CSMD1: variants seen among roughly 807,000 people sequenced by gnomAD.
CSMD1 encodes CUB and sushi domain-containing protein 1.
CSMD1 carries 213 observed loss-of-function variants against 417.5 expected under a neutral mutation model. The ratio of observed to expected loss-of-function variants is 0.51; its 90% CI spans 0.46 to 0.57. CSMD1 has a LOEUF of 0.57. Among genes scored for constraint, CSMD1 ranks in the 20% least tolerant of loss-of-function variants. The pLI is 0.00. For missense variants in CSMD1, 6,923 were observed against 4,529.7 expected, an observed-to-expected ratio of 1.53 and a Z score of -15.17; for synonymous variants, 2,862 against 1,736.8, an observed-to-expected ratio of 1.65 and a Z score of -16.11.
At chr8:4,967,599 G>C (rs151153552) in intron 1 of CSMD1, among the ~76,000 whole-genome samples, 2 of 152,106 alleles carry the variant, frequency 1.3e-5, no homozygotes, top group Non-Finnish European at 2.9e-5. Flanking sequence ...TAACAGAGTT[G>C]TAACAGTACC....
intron 2 of CSMD1, among the ~76,000 whole-genome samples, chr8:4,513,237 T>C (rs1323061984): frequency 1.3e-5 from 2 of 152,172 alleles, no homozygotes; most frequent in African/African-American, 4.8e-5. Flanking sequence ...AAGGAGATCC[T>C]GTATGTGTGG....
At chr8:4,210,243 G>A (rs1371459544) in intron 3 of CSMD1, among the ~76,000 whole-genome samples, 2 of 152,168 alleles carry the variant, frequency 1.3e-5, no homozygotes, top group Admixed American at 6.5e-5. Flanking sequence ...CTCACAGGAG[G>A]GGCAGAGGAC....
At position 3,959,380 on chromosome 8, in the gene CSMD1, T is replaced by C. The variant is rs181830367; in HGVS notation, c.818+38523A>G. Reference sequence around the variant, plus strand: ...TGGGTGTGATGGCGCCAGCCTGTAGTACCAGCTACTCAAGAGGCTGAAGTG... The same window carrying C: ...TGGGTGTGATGGCGCCAGCCTGTAGCACCAGCTACTCAAGAGGCTGAAGTG... On this transcript the variant is annotated intron_variant, in intron 5 of 69. Transcript: ENST00000635120. 3.5e-3 allele frequency among the ~76,000 whole-genome samples: 536 copies of C among 152,266 alleles called. 1 individual carries two copies. The highest frequency in any genetic ancestry group is 0.012 in the African/African-American group (484 of 41,570).
chr8:4,781,315 G>A (rs545370065), intron 1 of CSMD1, among the ~76,000 whole-genome samples: 3 of 152,262 alleles, frequency 2.0e-5, no homozygotes, highest in African/African-American at 7.2e-5. Flanking sequence ...CAAAACACAC[G>A]GGGTCACACT....
intron 7 of CSMD1, among the ~76,000 whole-genome samples, chr8:3,622,101 C>A (rs763689609): frequency 3.3e-5 from 5 of 151,966 alleles, no homozygotes; most frequent in Non-Finnish European, 5.9e-5. Flanking sequence ...GCACTATGTG[C>A]TGGGGTACAG....
intron 1 of CSMD1, among the ~76,000 whole-genome samples, chr8:4,947,096 A>T (rs1321073411): frequency 6.6e-6 from 1 of 152,224 alleles, no homozygotes; most frequent in African/African-American, 2.4e-5. Flanking sequence ...TTGTAGTTAC[A>T]TAGTCATCTA....
At chr8:3,700,271 A>C (rs1309631547) in intron 7 of CSMD1, among the ~76,000 whole-genome samples, 1 of 152,198 alleles carries the variant, frequency 6.6e-6, no homozygotes, top group Non-Finnish European at 1.5e-5. Flanking sequence ...TACGAAAAAT[A>C]ATTTTTTACA....
At chr8:3,540,675 C>A (rs1053641046) in intron 10 of CSMD1, among the ~76,000 whole-genome samples, 2 of 151,850 alleles carry the variant, frequency 1.3e-5, no homozygotes, top group African/African-American at 4.8e-5. Context: ...GGAACTCAAA[C>A]AAATTTACAA....
chr8:3,294,544 G>A (rs571913363), intron 25 of CSMD1, among the ~76,000 whole-genome samples: 12 of 138,706 alleles, frequency 8.7e-5, no homozygotes, highest in African/African-American at 2.2e-4. Flanking sequence ...CCCCAGCCTC[G>A]CTGCAGCCTT....
intron 1 of CSMD1, among the ~76,000 whole-genome samples, chr8:4,873,756 A>G (rs1233056877): frequency 6.6e-6 from 1 of 152,138 alleles, no homozygotes; most frequent in Non-Finnish European, 1.5e-5. Flanking sequence ...AATATGTAGC[A>G]CCTATTTTAT....
At chr8:4,519,057 T>C (rs1803283074) in intron 2 of CSMD1, among the ~76,000 whole-genome samples, 2 of 152,198 alleles carry the variant, frequency 1.3e-5, no homozygotes, top group Non-Finnish European at 1.5e-5. Flanking sequence ...TCACATCTTT[T>C]AGAACAAGAG....
intron 3 of CSMD1, among the ~76,000 whole-genome samples, chr8:4,209,204 T>C (rs1402290402): frequency 6.6e-6 from 1 of 152,060 alleles, no homozygotes; most frequent in East Asian, 1.9e-4. Context: ...ATCGCTCACC[T>C]TTTCAACACT....
intron 2 of CSMD1, among the ~76,000 whole-genome samples, chr8:4,618,832 C>A (rs1290724064): frequency 2.6e-5 from 4 of 152,140 alleles, no homozygotes; most frequent in African/African-American, 9.7e-5. Flanking sequence ...GATCTTCCAT[C>A]TTACCTTACT....
chr8:4,366,359 T>C (rs1233511526), intron 3 of CSMD1, among the ~76,000 whole-genome samples: 1 of 152,184 alleles, frequency 6.6e-6, no homozygotes, highest in Non-Finnish European at 1.5e-5. Context: ...ATTCCACGTG[T>C]TTACCATTGA....
At chr8:3,047,176 T>C (rs1811509522) in intron 50 of CSMD1, among the ~76,000 whole-genome samples, 1 of 132,252 alleles carries the variant, frequency 7.6e-6, no homozygotes, top group African/African-American at 3.0e-5. Flanking sequence ...ATCACACCAC[T>C]GCACTTCAGC....
chr8:3,385,467 T>C (rs1585086887), intron 18 of CSMD1, among the ~76,000 whole-genome samples: 1 of 151,952 alleles, frequency 6.6e-6, no homozygotes, highest in Non-Finnish European at 1.5e-5. Context: ...AAAAGTCAAC[T>C]ATCTTCTCTT....
At chr8:3,597,038 G>A (rs1462240671) in intron 8 of CSMD1, among the ~76,000 whole-genome samples, 2 of 152,170 alleles carry the variant, frequency 1.3e-5, no homozygotes, top group African/African-American at 2.4e-5. Flanking sequence ...CCCAGAGCCA[G>A]GAGCCCTGCA....
At chr8:4,355,239 G>C (rs1467732737) in intron 3 of CSMD1, among the ~76,000 whole-genome samples, 1 of 151,746 alleles carries the variant, frequency 6.6e-6, no homozygotes. Context: ...TCCAGCCTGG[G>C]TAAGAAACTC....
rs534813120 is a variant in CSMD1 at position 4,214,709 on chromosome 8, G to A, written c.416-182610C>T. ...TGTGTGTGTAGCTAACGTGGATATAGGCAAGAGTTCATCACAGAGAACTAC... is the reference window on the plus strand; with the variant it reads ...TGTGTGTGTAGCTAACGTGGATATAAGCAAGAGTTCATCACAGAGAACTAC... On this transcript the variant is annotated intron_variant, in intron 3 of 69. Coordinates refer to ENST00000635120, the MANE Select transcript of CSMD1 (RefSeq NM_033225.6). Among the ~76,000 whole-genome samples, 68 of 152,168 alleles carry A rather than the reference G, an allele frequency of 4.5e-4. No individual in the cohort carries two copies. The South Asian group carries it at 5.8e-3, about 13-fold the overall frequency.
Sources: gnomAD v4.1 joint callset for allele counts (sites outside exome capture counted in the v4.1 genomes callset) on GRCh38, gnomAD v4.1.1 for gene constraint, MANE v1.5 for transcripts, NCBI Gene and HGNC (gene_info 2026-07-23, HGNC 2026-07-21) for gene names.